Variants in ENOX1 observed in about 807,000 individuals in gnomAD.
ENOX1 encodes the protein candidate growth-related and time keeping constitutive hydroquinone (NADH) oxidase.
A neutral mutation model predicts 82.5 loss-of-function variants in ENOX1; 42 were observed. That is an observed-to-expected ratio of 0.51 (90% confidence interval 0.40 to 0.66). The LOEUF is 0.66. ENOX1 is among the 30% of genes least tolerant of loss of function. The pLI, the probability that ENOX1 is intolerant of heterozygous loss-of-function variation, is 0.00. For synonymous variants in ENOX1, 271 were observed against 282.2 expected, an observed-to-expected ratio of 0.96 and a Z score of 0.40; for missense variants, 608 against 811.6, an observed-to-expected ratio of 0.75 and a Z score of 3.05.
intron 12 of ENOX1, among the ~76,000 whole-genome samples, chr13:43,295,431 C>A (rs1045375984): frequency 6.6e-6 from 1 of 152,186 alleles, no homozygotes; most frequent in African/African-American, 2.4e-5. Flanking sequence ...AGGAACCCTG[C>A]CCATAGTGTT....
chr13:43,597,054 G>C (rs115291010), intron 2 of ENOX1, among the ~76,000 whole-genome samples: 1 of 152,154 alleles, frequency 6.6e-6, no homozygotes, highest in Non-Finnish European at 1.5e-5. Context: ...TTACAATCAC[G>C]TCAGAAGGCG....
In ENOX1 at chr13:43,732,311, T is replaced by C. The variant is rs1431944175; in HGVS notation, c.-285+54341A>G. Among the ~76,000 whole-genome samples, 4 of 152,222 alleles carry C rather than the reference T, an allele frequency of 2.6e-5. No homozygotes were observed. In the East Asian group the frequency reaches 7.7e-4, roughly 29 times the overall value. On this transcript the variant is annotated intron_variant, in intron 1 of 16. Transcript: ENST00000690772. ...AGCTTTTTGTCTTCCTCACTCCTTA[T>C]GACAAAGCATGCAATGACAGAAAAT... is the stretch of plus-strand genomic sequence containing the variant.
At chr13:43,237,038 G>A (rs1172561526) in intron 14 of ENOX1, among the ~76,000 whole-genome samples, 1 of 152,152 alleles carries the variant, frequency 6.6e-6, no homozygotes, top group Non-Finnish European at 1.5e-5. Flanking sequence ...TTAAAACTGT[G>A]TTTGATTATA....
chr13:43,355,784 C>A (rs750737709), intron 8 of ENOX1, 135 bp downstream of exon 8: 16 of 926,518 alleles, frequency 1.7e-5, no homozygotes, highest in Non-Finnish European at 2.7e-5. Flanking sequence ...TGTGCTTACA[C>A]CAGACTCTTA....
At chr13:43,366,440 A>C (rs2050855093) in intron 5 of ENOX1, among the ~76,000 whole-genome samples, 1 of 152,060 alleles carries the variant, frequency 6.6e-6, no homozygotes, top group Admixed American at 6.5e-5. Context: ...ATGCCTGGCT[A>C]ATTTTTTTTG....
chr13:43,330,879 C>A (rs983815241), intron 9 of ENOX1, among the ~76,000 whole-genome samples: 1 of 152,194 alleles, frequency 6.6e-6, no homozygotes, highest in African/African-American at 2.4e-5. Flanking sequence ...TGTATATATT[C>A]TTCCAATTTT....
chr13:43,447,357 A>G (rs1196266278), intron 3 of ENOX1, among the ~76,000 whole-genome samples: 1 of 152,152 alleles, frequency 6.6e-6, no homozygotes, highest in Non-Finnish European at 1.5e-5. Flanking sequence ...AGTGTGGATG[A>G]GCAGGACATC....
chr13:43,689,997 C>A (rs1327124417), intron 1 of ENOX1, among the ~76,000 whole-genome samples: 2 of 152,146 alleles, frequency 1.3e-5, no homozygotes, highest in African/African-American at 4.8e-5. Flanking sequence ...ACAACAGAGT[C>A]TGTAGCCTGA....
intron 3 of ENOX1, among the ~76,000 whole-genome samples, chr13:43,443,189 T>G (rs943834183): frequency 6.6e-6 from 1 of 152,204 alleles, no homozygotes; most frequent in Non-Finnish European, 1.5e-5. Flanking sequence ...ATGTTTCCAG[T>G]ATAAATCTTT....
chr13:43,496,802 CTA>C (rs1475707055), intron 2 of ENOX1, among the ~76,000 whole-genome samples: 2 of 152,104 alleles, frequency 1.3e-5, no homozygotes, highest in East Asian at 1.9e-4. Context: ...ATCTATTTGT[CTA>C]TCTTTGTCTA....
chr13:43,440,548 T>C (rs2056304169), intron 3 of ENOX1, among the ~76,000 whole-genome samples: 1 of 152,186 alleles, frequency 6.6e-6, no homozygotes, highest in Non-Finnish European at 1.5e-5. Context: ...AATTCTACTT[T>C]ACCTAAAATT....
chr13:43,558,713 C>A (rs1243829412), intron 2 of ENOX1, among the ~76,000 whole-genome samples: 1 of 151,956 alleles, frequency 6.6e-6, no homozygotes, highest in Non-Finnish European at 1.5e-5. Flanking sequence ...GAAAATGGAT[C>A]CTTATGGTGA....
intron 1 of ENOX1, among the ~76,000 whole-genome samples, chr13:43,698,569 TA>T (rs1566789583): frequency 1.3e-5 from 2 of 152,308 alleles, no homozygotes; most frequent in East Asian, 3.9e-4. Context: ...TTTAAAATAC[TA>T]CAATTTTAAC....
intron 1 of ENOX1, among the ~76,000 whole-genome samples, chr13:43,724,436 C>T (rs371586239): frequency 1.3e-4 from 19 of 151,756 alleles, no homozygotes; most frequent in African/African-American, 3.4e-4. Context: ...AATGAAAGGA[C>T]GGGGAGGGAA....
At chr13:43,687,214 C>A (rs78045412) in intron 1 of ENOX1, among the ~76,000 whole-genome samples, 77 of 152,280 alleles carry the variant, frequency 5.1e-4, no homozygotes, top group African/African-American at 1.7e-3. Flanking sequence ...TCACATTTAA[C>A]AAATATTTGC....
intron 12 of ENOX1, among the ~76,000 whole-genome samples, chr13:43,295,637 G>A (rs997253598): frequency 1.8e-4 from 27 of 152,106 alleles, no homozygotes; most frequent in Non-Finnish European, 3.7e-4. Flanking sequence ...ACTGGAAATG[G>A]TGACATATGG....
At chr13:43,756,766 G>C (rs1341309379) in intron 1 of ENOX1, among the ~76,000 whole-genome samples, 2 of 151,964 alleles carry the variant, frequency 1.3e-5, no homozygotes, top group Non-Finnish European at 2.9e-5. Context: ...CATTATGCAT[G>C]TTACAAAAAA....
intron 14 of ENOX1, among the ~76,000 whole-genome samples, chr13:43,255,678 TA>T (rs1209328789): frequency 6.6e-6 from 1 of 151,870 alleles, no homozygotes; most frequent in African/African-American, 2.4e-5. Flanking sequence ...TTACAATAGC[TA>T]AAAAAATGTA....
intron 1 of ENOX1, among the ~76,000 whole-genome samples, chr13:43,689,366 A>G (rs565079275): frequency 5.9e-5 from 9 of 152,380 alleles, no homozygotes; most frequent in African/African-American, 2.2e-4. Flanking sequence ...AGGAAGATCC[A>G]GCAAAGTAGA....
Sources: allele counts gnomAD v4.1 joint callset (sites outside exome capture counted in the v4.1 genomes callset), GRCh38; gene constraint gnomAD v4.1.1; transcripts MANE v1.5; gene names NCBI Gene and HGNC (gene_info 2026-07-23, HGNC 2026-07-21).